Variants in SUSD4 observed in about 807,000 individuals in gnomAD.
The protein encoded by SUSD4 is sushi domain containing 4.
SUSD4 carries 41 observed loss-of-function variants against 50.5 expected under a neutral mutation model. That is an observed-to-expected ratio of 0.81 (90% confidence interval 0.63 to 1.05). The LOEUF is 1.05. SUSD4 is among the 50% of genes least tolerant of loss of function. The pLI, the probability that SUSD4 is intolerant of heterozygous loss-of-function variation, is 0.00. For synonymous variants in SUSD4, 257 were observed against 257.3 expected (o/e 1.00, Z 0.01); for missense variants, 580 against 634.7 (o/e 0.91, Z 0.93).
intron 3 of SUSD4, among the ~76,000 whole-genome samples, chr1:223,284,910 C>T (rs1240872908): frequency 7.2e-5 from 11 of 152,026 alleles, no homozygotes; most frequent in African/African-American, 2.7e-4. Context: ...TATAAAGTCA[C>T]AGATAGATAG....
chr1:223,308,856 G>A (rs1298533193), intron 2 of SUSD4, among the ~76,000 whole-genome samples: 1 of 152,136 alleles, frequency 6.6e-6, no homozygotes, highest in Non-Finnish European at 1.5e-5. Context: ...ATGGCATCTT[G>A]ACCTGATGGC....
chr1:223,227,383 C>A lies in SUSD4; in HGVS notation c.1061+211G>T, dbSNP rs1659588419. Among the ~76,000 whole-genome samples, 2 of 152,136 alleles carry A rather than the reference C, an allele frequency of 1.3e-5. No individual in the cohort carries two copies. The highest frequency in any genetic ancestry group is 4.8e-5 in the African/African-American group (2 of 41,420). ...ATGCCCACCTGCAAATGGTCTACTGCAGGAAGGAGGGAGAGAGGTAGGAAA... is the reference window on the plus strand; with the variant it reads ...ATGCCCACCTGCAAATGGTCTACTGAAGGAAGGAGGGAGAGAGGTAGGAAA... On this transcript the variant is annotated intron_variant, in intron 7 of 8. Transcript: ENST00000366878. The surrounding 1 kb of genome is among the most constrained non-coding windows in gnomAD (Gnocchi z 4.5).
At chr1:223,282,689 C>G (rs1316881316) in intron 3 of SUSD4, among the ~76,000 whole-genome samples, 1 of 152,140 alleles carries the variant, frequency 6.6e-6, no homozygotes, top group South Asian at 2.1e-4. Flanking sequence ...GATTCAATGC[C>G]ATCCCCATCA....
In SUSD4 at chr1:223,233,560, G is replaced by A. The variant is rs116112887; in HGVS notation, c.725-4172C>T. 3.9e-3 allele frequency among the ~76,000 whole-genome samples: 600 copies of A among 152,144 alleles called. 3 individuals are homozygous for A. Among genetic ancestry groups the A allele is most frequent in the African/African-American group, 0.014 (563 of 41,492 alleles). ...GTTCCACACAGACAGACAGACAGAC[G>A]GATGGACACACTCCCACACCCAGAG... On this transcript the variant is annotated intron_variant, in intron 5 of 8. Transcript: ENST00000366878.
intron 2 of SUSD4, among the ~76,000 whole-genome samples, chr1:223,307,384 A>G (rs1665602393): frequency 6.6e-6 from 1 of 152,222 alleles, no homozygotes; most frequent in Admixed American, 6.5e-5. Flanking sequence ...ATACAATCTC[A>G]TTTCATCCAT....
intron 8 of SUSD4, 22 bp downstream of exon 8, chr1:223,223,227 G>C: frequency 6.7e-7 from 1 of 1,500,376 alleles, no homozygotes; most frequent in Non-Finnish European, 8.8e-7. Flanking sequence ...GGTGTGGCTT[G>C]GGCCCTGGGG....
rs1237851368 is a variant in SUSD4, at chr1:223,233,577, C to A, written c.725-4189G>T. ...AGACAGACGGATGGACACACTCCCA[C>A]ACCCAGAGGCCTCAGACACATGGCA... is the stretch of plus-strand genomic sequence containing the variant. On this transcript the variant is annotated intron_variant, in intron 5 of 8. Coordinates refer to ENST00000366878, the MANE Select transcript of SUSD4 (RefSeq NM_017982.4). 3.3e-5 allele frequency among the ~76,000 whole-genome samples: 5 copies of A among 152,256 alleles called. No individual in the cohort carries two copies. The East Asian group carries it at 9.7e-4, about 29-fold the overall frequency.
chr1:223,267,562 C>G (rs891464867), intron 4 of SUSD4, among the ~76,000 whole-genome samples: 18 of 152,206 alleles, frequency 1.2e-4, no homozygotes, highest in African/African-American at 4.3e-4. Context: ...TGGGAGAGAC[C>G]AGGGGAGCGT....
At chr1:223,362,678 G>A (rs1217680626) in intron 2 of SUSD4, among the ~76,000 whole-genome samples, 1 of 152,196 alleles carries the variant, frequency 6.6e-6, no homozygotes, top group Non-Finnish European at 1.5e-5. Context: ...CAATCTGTCA[G>A]AGGCACACCT....
rs1659251244 is a variant in SUSD4 at position 223,223,267 on chromosome 1, C to T, written c.1426G>A (p.Gly476Ser). The change falls in exon 8 of 9, where the codon GGC becomes AGC. Residue 476 changes from glycine (G) to serine (S), a missense_variant. Coordinates refer to ENST00000366878, the MANE Select transcript of SUSD4 (RefSeq NM_017982.4). ...TAEEVASTSPGIDIADEIPLM... is the reference protein window; with the variant it reads ...TAEEVASTSPSIDIADEIPLM... The stretch of plus-strand genomic sequence containing the variant: ...CACTTACCATCTGCAATGTCGATGC[C>T]TGGGCTGGTGGATGCCACCTCCTCT... 6.5e-7 allele frequency: 1 copy of T among 1,549,882 alleles called. No homozygotes were observed. The highest frequency in any genetic ancestry group is 8.7e-7 in the Non-Finnish European group (1 of 1,151,626).
At chr1:223,224,466 A>G (rs1659357274) in intron 7 of SUSD4, among the ~76,000 whole-genome samples, 1 of 152,180 alleles carries the variant, frequency 6.6e-6, no homozygotes, top group Non-Finnish European at 1.5e-5. Flanking sequence ...ATTACATTTT[A>G]GTCTAGATTT....
chr1:223,229,449 CT>C lies in SUSD4; in HGVS notation c.725-62del. 1 of 1,486,354 alleles carries C rather than the reference CT, an allele frequency of 6.7e-7. No individual in the cohort carries two copies. The highest frequency in any genetic ancestry group is 9.1e-7 in the Non-Finnish European group (1 of 1,095,832). The allele number at this position is 1,486,354 out of a possible 1,614,324, so 92.1% of individuals were successfully genotyped here. A position where few individuals can be genotyped will look rare whatever the true frequency, so the allele number is the denominator to read the frequency against. ...ACAAGCTCACCTTTGTCTGAAGCCC[CT>C]AAGACGAAGAATGGCCTAGGAGAAC... On this transcript the variant is annotated intron_variant, in intron 5 of 8. Coordinates refer to ENST00000366878, the MANE Select transcript of SUSD4 (RefSeq NM_017982.4). The surrounding 1 kb of genome is among the most constrained non-coding windows in gnomAD (Gnocchi z 4.7).
intron 2 of SUSD4, among the ~76,000 whole-genome samples, chr1:223,307,544 T>C (rs1262664469): frequency 6.6e-6 from 1 of 152,212 alleles, no homozygotes; most frequent in Non-Finnish European, 1.5e-5. Flanking sequence ...ATTTGTAAAC[T>C]AGAGTCCAGA....
Position 223,231,866 on chromosome 1 carries a change from G to C in SUSD4, c.725-2478C>G, listed in dbSNP as rs565831176. Among the ~76,000 whole-genome samples, 9 of 152,350 alleles carry C rather than the reference G, an allele frequency of 5.9e-5. No homozygotes were observed. Among genetic ancestry groups the C allele is most frequent in the African/African-American group, 1.9e-4 (8 of 41,586 alleles). On this transcript the variant is annotated intron_variant, in intron 5 of 8. Transcript: ENST00000366878. The surrounding 1 kb of genome is among the most constrained non-coding windows in gnomAD (Gnocchi z 4.2). ...CCCCAGCGCTGTTGTACGCTCAGGA[G>C]GCCGGCATCTTCTCTGGGACAGGAG...
At chr1:223,362,461 A>G (rs1669039324) in intron 2 of SUSD4, among the ~76,000 whole-genome samples, 1 of 152,198 alleles carries the variant, frequency 6.6e-6, no homozygotes, top group African/African-American at 2.4e-5. Context: ...TGAGCAGTGG[A>G]GGCAGGGAGA....
intron 2 of SUSD4, among the ~76,000 whole-genome samples, chr1:223,331,828 T>A (rs1667194177): frequency 6.6e-6 from 1 of 152,198 alleles, no homozygotes; most frequent in Admixed American, 6.5e-5. Flanking sequence ...GGAAGACGTG[T>A]GTTCTCCTCT....
chr1:223,350,490 G>A (rs376704056), intron 2 of SUSD4, among the ~76,000 whole-genome samples: 3 of 152,286 alleles, frequency 2.0e-5, no homozygotes, highest in African/African-American at 7.2e-5. Flanking sequence ...GGGGCAAGGC[G>A]CAAGTCAAGG....
intron 3 of SUSD4, among the ~76,000 whole-genome samples, chr1:223,285,775 G>A (rs1032310137): frequency 6.6e-6 from 1 of 152,184 alleles, no homozygotes; most frequent in African/African-American, 2.4e-5. Context: ...TCACTTACAC[G>A]TGAGAGCTAA....
chr1:223,312,305 A>T (rs1665924572), intron 2 of SUSD4, among the ~76,000 whole-genome samples: 1 of 152,210 alleles, frequency 6.6e-6, no homozygotes, highest in South Asian at 2.1e-4. Context: ...TTAGTGGGCA[A>T]ATAGGACAGG....
Sources: gnomAD v4.1 joint callset for allele counts (sites outside exome capture counted in the v4.1 genomes callset) on GRCh38, gnomAD v4.1.1 for gene constraint, Gnocchi (gnomAD v3.1) non-coding constraint, MANE v1.5 for transcripts, NCBI Gene and HGNC (gene_info 2026-07-23, HGNC 2026-07-21) for gene names.